The following TSPAN15 variants were observed in gnomAD, a reference collection of about 807,000 sequenced individuals.
The protein encoded by TSPAN15 is tetraspanin-15.
TSPAN15 carries 20 observed loss-of-function variants against 34.5 expected under a neutral mutation model. The observed-to-expected ratio is 0.58, with a 90% CI of 0.41 to 0.84. The LOEUF is 0.84. TSPAN15 is among the 40% of genes least tolerant of loss of function. The pLI is 0.00. For missense variants in TSPAN15, 313 were observed against 386.1 expected (o/e 0.81, Z 1.59); for synonymous variants, 155 against 153.9 (o/e 1.01, Z -0.05).
the TSPAN15 span, among the ~76,000 whole-genome samples, chr10:69,536,444 A>T: frequency 5.9e-5 from 9 of 152,322 alleles, no homozygotes; most frequent in East Asian, 1.5e-3. Flanking sequence ...TTCATAGTCT[A>T]CTGGGGTAAA....
chr10:69,544,503 G>T, the TSPAN15 span, among the ~76,000 whole-genome samples: 1 of 152,128 alleles, frequency 6.6e-6, no homozygotes, highest in Non-Finnish European at 1.5e-5. Context: ...CTCCCGCAGC[G>T]GTTCAAAAGC....
intron 1 of TSPAN15, among the ~76,000 whole-genome samples, chr10:69,461,596 G>A (rs1841259321): frequency 6.6e-6 from 1 of 152,120 alleles, no homozygotes; most frequent in Non-Finnish European, 1.5e-5. Flanking sequence ...TGGGTGCAGT[G>A]TGGGGAGACT....
chr10:69,483,719 G>GT lies in TSPAN15; in HGVS notation c.125_126insT (p.Ile43HisfsTer6). 1 of 1,614,110 alleles carries GT rather than the reference G, an allele frequency of 6.2e-7. No individual in the cohort carries two copies. On this transcript the variant is annotated frameshift_variant, in exon 2 of 8. Transcript: ENST00000373290. LOFTEE classifies it high-confidence loss of function. ...ATTGGGGCCCTGGTCCTGTCTGTGGGCATCTATGCAGAGGTTGAGCGGCAG... is the reference window on the plus strand; with the variant it reads ...ATTGGGGCCCTGGTCCTGTCTGTGGGTCATCTATGCAGAGGTTGAGCGGCAG...
At chr10:69,539,485 A>AAGG in the TSPAN15 span, among the ~76,000 whole-genome samples, 295 of 61,262 alleles carry the variant, frequency 4.8e-3, 2 homozygotes, top group African/African-American at 0.014. Context: ...GGAGAAGGAG[A>AAGG]AGAAGAAGAA....
the TSPAN15 span, among the ~76,000 whole-genome samples, chr10:69,523,926 G>A: frequency 6.8e-6 from 1 of 147,602 alleles, no homozygotes; most frequent in Non-Finnish European, 1.5e-5. Flanking sequence ...CAAAGGAAAG[G>A]GGATGGGGTG....
chr10:69,492,518 C>T (rs2133131275), intron 3 of TSPAN15, among the ~76,000 whole-genome samples: 1 of 152,284 alleles, frequency 6.6e-6, no homozygotes, highest in Non-Finnish European at 1.5e-5. Context: ...TCCATGAAGC[C>T]CAGGGACATC....
chr10:69,493,091 T>C (rs990978458), intron 3 of TSPAN15, among the ~76,000 whole-genome samples: 2 of 152,144 alleles, frequency 1.3e-5, no homozygotes, highest in Admixed American at 6.5e-5. Context: ...TCCTGTTTTT[T>C]AGGCACCCCC....
At chr10:69,474,671 C>G (rs1212089693) in intron 1 of TSPAN15, among the ~76,000 whole-genome samples, 1 of 152,050 alleles carries the variant, frequency 6.6e-6, no homozygotes, top group Non-Finnish European at 1.5e-5. Context: ...GGAATATACC[C>G]CTGAGCGGTT....
chr10:69,465,748 T>C (rs1393444385), intron 1 of TSPAN15, among the ~76,000 whole-genome samples: 2 of 152,216 alleles, frequency 1.3e-5, no homozygotes, highest in Admixed American at 1.3e-4. Context: ...AGATGTTTGT[T>C]CTTCTTTCTT....
At chr10:69,459,898 C>T (rs181547674) in intron 1 of TSPAN15, among the ~76,000 whole-genome samples, 27 of 138,584 alleles carry the variant, frequency 1.9e-4, no homozygotes, top group East Asian at 1.8e-3. Flanking sequence ...CCCCCACCCA[C>T]GGAGGGAGGG....
chr10:69,491,744 G>A (rs1242659854), intron 3 of TSPAN15, among the ~76,000 whole-genome samples: 3 of 152,318 alleles, frequency 2.0e-5, no homozygotes, highest in Admixed American at 6.5e-5. Context: ...TTACATGGAA[G>A]TGGTGTTAGC....
intron 1 of TSPAN15, among the ~76,000 whole-genome samples, chr10:69,456,668 C>T (rs1841117381): frequency 6.6e-6 from 1 of 152,164 alleles, no homozygotes; most frequent in South Asian, 2.1e-4. Flanking sequence ...ACCCTGACGC[C>T]TACCCTCTCT....
the TSPAN15 span, among the ~76,000 whole-genome samples, chr10:69,522,132 GA>G: frequency 6.8e-6 from 1 of 147,244 alleles, no homozygotes; most frequent in South Asian, 2.1e-4. Flanking sequence ...AGGCTGAGGT[GA>G]GCAAATCATT....
intron 5 of TSPAN15, among the ~76,000 whole-genome samples, chr10:69,500,526 G>T (rs1202051390): frequency 6.6e-6 from 1 of 152,224 alleles, no homozygotes; most frequent in Non-Finnish European, 1.5e-5. Flanking sequence ...CAGGAGAGCT[G>T]AGGGTGGAGT....
At chr10:69,505,044 G>A (rs557069634) in intron 6 of TSPAN15, among the ~76,000 whole-genome samples, 78 of 152,182 alleles carry the variant, frequency 5.1e-4, no homozygotes, top group Non-Finnish European at 9.4e-4. Flanking sequence ...CACATTCTTG[G>A]TATGGGGCTA....
At chr10:69,542,870 CAATT>C in the TSPAN15 span, among the ~76,000 whole-genome samples, 1 of 152,206 alleles carries the variant, frequency 6.6e-6, no homozygotes, top group Non-Finnish European at 1.5e-5. Context: ...GTAAATCTAA[CAATT>C]AAGATACACA....
At chr10:69,487,835 T>C (rs28516039) in intron 3 of TSPAN15, among the ~76,000 whole-genome samples, 11,160 of 152,212 alleles carry the variant, frequency 0.073, 1,333 homozygotes, top group African/African-American at 0.25. Flanking sequence ...TGACAATTTC[T>C]CATCATCCCC....
chr10:69,485,792 G>GA (rs926525526), intron 3 of TSPAN15, among the ~76,000 whole-genome samples: 23 of 152,114 alleles, frequency 1.5e-4, no homozygotes, highest in African/African-American at 5.6e-4. Context: ...GTCATCCTGG[G>GA]AATGGGGTAA....
intron 1 of TSPAN15, 95 bp downstream of exon 1, chr10:69,451,785 C>G (rs960842116): frequency 9.9e-6 from 10 of 1,011,494 alleles, no homozygotes; most frequent in Admixed American, 4.1e-5. Flanking sequence ...CTTAGCCGCT[C>G]CAGGGAGTGC....
Sources: gnomAD v4.1 joint callset for allele counts (sites outside exome capture counted in the v4.1 genomes callset) on GRCh38, gnomAD v4.1.1 for gene constraint, MANE v1.5 for transcripts, NCBI Gene and HGNC (gene_info 2026-07-23, HGNC 2026-07-21) for gene names.